MALRD1: variants seen among roughly 807,000 people sequenced by gnomAD.
MALRD1 encodes MAM and LDL-receptor class A domain-containing protein 1.
Under a neutral mutation model 242.1 loss-of-function variants are expected in MALRD1, and 247 were observed. The observed-to-expected ratio is 1.02, with a 90% CI of 0.92 to 1.13. The LOEUF (loss-of-function observed/expected upper bound fraction) is 1.13. Ranked by LOEUF, MALRD1 falls within the 50% of genes most tolerant of loss-of-function variation. The probability of loss-of-function intolerance (pLI) is 0.00; values close to 1 mark genes in which losing one functional copy is unlikely to be tolerated. For synonymous variants in MALRD1, 995 were observed against 866.6 expected (o/e 1.15, Z -2.60); for missense variants, 2,989 against 2,533.1 (o/e 1.18, Z -3.86).
intron 21 of MALRD1, among the ~76,000 whole-genome samples, chr10:19,310,624 C>T (rs1842388634): frequency 6.6e-6 from 1 of 151,500 alleles, no homozygotes; most frequent in African/African-American, 2.4e-5. Context: ...TAAATTTGGT[C>T]TTAAGATCTT....
At chr10:19,381,642 A>G (rs1223608072) in intron 26 of MALRD1, among the ~76,000 whole-genome samples, 13 of 151,016 alleles carry the variant, frequency 8.6e-5, no homozygotes, top group African/African-American at 3.2e-4. Flanking sequence ...AGCCTGGCCT[A>G]CATGGTGAAA....
chr10:19,344,470 G>A (rs553436632), intron 24 of MALRD1, among the ~76,000 whole-genome samples: 2 of 151,990 alleles, frequency 1.3e-5, no homozygotes, highest in African/African-American at 4.8e-5. Context: ...CTTACATGGA[G>A]CTATTTCTGG....
chr10:19,662,425 C>A (rs1461604734), intron 36 of MALRD1, among the ~76,000 whole-genome samples: 2 of 152,058 alleles, frequency 1.3e-5, no homozygotes, highest in African/African-American at 4.8e-5. Flanking sequence ...ATAACTCATT[C>A]TTTTATTCAC....
At chr10:19,356,162 A>T (rs1357912038) in intron 26 of MALRD1, among the ~76,000 whole-genome samples, 1 of 151,828 alleles carries the variant, frequency 6.6e-6, no homozygotes, top group African/African-American at 2.4e-5. Context: ...AGATATATTT[A>T]TGTCTATATG....
intron 26 of MALRD1, among the ~76,000 whole-genome samples, chr10:19,381,707 C>T (rs536254458): frequency 8.1e-4 from 123 of 151,516 alleles, no homozygotes; most frequent in South Asian, 2.7e-3. Flanking sequence ...GGCCTGGTTC[C>T]GGGCACCTGT....
chr10:19,454,025 A>T (rs2055001166), intron 29 of MALRD1, among the ~76,000 whole-genome samples: 2 of 152,244 alleles, frequency 1.3e-5, no homozygotes, highest in South Asian at 4.1e-4. Context: ...ATGCCACTGC[A>T]CTCCAGCCTG....
intron 38 of MALRD1, among the ~76,000 whole-genome samples, chr10:19,714,862 A>G (rs193044594): frequency 3.3e-5 from 5 of 152,124 alleles, no homozygotes; most frequent in Admixed American, 1.3e-4. Context: ...GACCTTTCCA[A>G]ATTGTGAAAC....
At chr10:19,440,979 T>A (rs60589392) in intron 28 of MALRD1, among the ~76,000 whole-genome samples, 8,497 of 150,696 alleles carry the variant, frequency 0.056, 807 homozygotes, top group African/African-American at 0.2. Context: ...AAGTGTTCCT[T>A]TTTCTCTAGA....
chr10:19,543,716 A>C (rs929112050), intron 32 of MALRD1, among the ~76,000 whole-genome samples: 2 of 152,008 alleles, frequency 1.3e-5, no homozygotes, highest in Non-Finnish European at 2.9e-5. Context: ...TCACTAATCC[A>C]CGTTATTTCT....
intron 36 of MALRD1, among the ~76,000 whole-genome samples, chr10:19,689,648 GAT>G (rs1842741022): frequency 6.6e-6 from 1 of 152,030 alleles, no homozygotes; most frequent in African/African-American, 2.4e-5. Flanking sequence ...CTTATACAAC[GAT>G]ATGAAAATAA....
At chr10:19,719,059 A>G (rs1834563238) in intron 38 of MALRD1, among the ~76,000 whole-genome samples, 1 of 150,372 alleles carries the variant, frequency 6.7e-6, no homozygotes, top group Non-Finnish European at 1.5e-5. Context: ...GATACCCAAG[A>G]GGCTGAGTAG....
intron 28 of MALRD1, among the ~76,000 whole-genome samples, chr10:19,392,348 A>C (rs1846373787): frequency 6.6e-6 from 1 of 152,184 alleles, no homozygotes; most frequent in South Asian, 2.1e-4. Context: ...GTTTACTCCC[A>C]ACCCTGAGCC....
intron 18 of MALRD1, among the ~76,000 whole-genome samples, chr10:19,226,639 G>T (rs1837813290): frequency 6.6e-6 from 1 of 151,944 alleles, no homozygotes; most frequent in South Asian, 2.1e-4. Context: ...AGAAAGAAGG[G>T]AGGGAAGGAG....
At chr10:19,520,397 CTTAG>C (rs1002293350) in intron 31 of MALRD1, among the ~76,000 whole-genome samples, 12 of 150,290 alleles carry the variant, frequency 8.0e-5, no homozygotes, top group Non-Finnish European at 1.5e-4. Context: ...TTCTGTCCTT[CTTAG>C]TTACTCTAGT....
chr10:19,190,658 AT>A (rs35922631), intron 14 of MALRD1, among the ~76,000 whole-genome samples: 42,226 of 144,708 alleles, frequency 0.29, 7,352 homozygotes, highest in East Asian at 0.52. Flanking sequence ...TGAACAAGTG[AT>A]TTTTTTTTTT....
intron 34 of MALRD1, among the ~76,000 whole-genome samples, chr10:19,606,050 A>C (rs1215281112): frequency 6.6e-6 from 1 of 152,136 alleles, no homozygotes. Context: ...TCTTAAAAAC[A>C]CTATTTTTTT....
intron 28 of MALRD1, among the ~76,000 whole-genome samples, chr10:19,427,078 T>A (rs950991348): frequency 6.6e-6 from 1 of 152,196 alleles, no homozygotes; most frequent in Admixed American, 6.5e-5. Context: ...CTTAACCAGT[T>A]TTATCGCTTA....
chr10:19,153,517 A>C (rs1161190964), intron 11 of MALRD1, among the ~76,000 whole-genome samples: 1 of 151,716 alleles, frequency 6.6e-6, no homozygotes, highest in East Asian at 1.9e-4. Flanking sequence ...GGAGTTTGAG[A>C]CTCTGCTCCT....
intron 36 of MALRD1, among the ~76,000 whole-genome samples, chr10:19,666,373 T>C (rs1841686007): frequency 6.6e-6 from 1 of 152,204 alleles, no homozygotes; most frequent in African/African-American, 2.4e-5. Context: ...GCTATAGTAT[T>C]TCCATTTCAG....
Sources: gnomAD v4.1 joint callset for allele counts (sites outside exome capture counted in the v4.1 genomes callset) on GRCh38, gnomAD v4.1.1 for gene constraint, MANE v1.5 for transcripts, NCBI Gene and HGNC (gene_info 2026-07-23, HGNC 2026-07-21) for gene names.